The following ADAMTSL1 variants were observed in gnomAD, a reference collection of about 807,000 sequenced individuals.
The protein encoded by ADAMTSL1 is ADAMTS like 1.
In ADAMTSL1, 126 loss-of-function variants were observed where a neutral mutation model predicts 201.8. The ratio of observed to expected loss-of-function variants is 0.62; its 90% CI spans 0.54 to 0.72. The LOEUF is 0.72. Among genes scored for constraint, ADAMTSL1 ranks in the 30% least tolerant of loss-of-function variants. The pLI is 0.00. For missense variants in ADAMTSL1, 2,679 were observed against 2,277.8 expected (o/e 1.18, Z -3.59); for synonymous variants, 1,121 against 903.4 (o/e 1.24, Z -4.32).
chr9:18,509,190 CAAAAAAAAAAAAAAAAAAAAAAA>C lies in ADAMTSL1; in HGVS notation c.191+4254_191+4276del, dbSNP rs57922962. On this transcript the variant is annotated intron_variant, in intron 2 of 28. Transcript: ENST00000380548. ...TGGGCGACAGAGCGAGACTCCGTCT[CAAAAAAAAAAAAAAAAAAAAAAA>C]AAAAAAAAAAAAAAAAAAAGAAATA... Among the ~76,000 whole-genome samples, 8 of 20,462 alleles carry C rather than the reference CAAAAAAAAAAAAAAAAAAAAAAA, an allele frequency of 3.9e-4. No individual in the cohort carries two copies. In the East Asian group the frequency reaches 6.8e-3, roughly 17 times the overall value. 13.4% of individuals were successfully genotyped at this position (20,462 alleles called of 152,430 possible).
At chr9:18,327,906 A>G (rs1217606787) in intron 2 of ADAMTSL1, among the ~76,000 whole-genome samples, 7 of 149,456 alleles carry the variant, frequency 4.7e-5, no homozygotes, top group Admixed American at 4.7e-4. Context: ...TAGATTGTGG[A>G]AGCTCAAAGA....
At chr9:18,887,604 G>A (rs867440167) in intron 23 of ADAMTSL1, among the ~76,000 whole-genome samples, 17 of 152,070 alleles carry the variant, frequency 1.1e-4, no homozygotes, top group Admixed American at 2.6e-4. Flanking sequence ...AGGTACTTTT[G>A]TTATCCAGTA....
At chr9:18,310,854 G>A (rs889499998) in intron 2 of ADAMTSL1, among the ~76,000 whole-genome samples, 4 of 152,118 alleles carry the variant, frequency 2.6e-5, no homozygotes, top group African/African-American at 9.7e-5. Context: ...CCATTACTGG[G>A]TATATACCCA....
chr9:18,134,410 TG>T (rs1826072000), intron 1 of ADAMTSL1, among the ~76,000 whole-genome samples: 1 of 152,194 alleles, frequency 6.6e-6, no homozygotes, highest in South Asian at 2.1e-4. Context: ...GATTCAATTC[TG>T]GTTATTGACA....
At chr9:18,517,163 T>C (rs920297016) in intron 2 of ADAMTSL1, among the ~76,000 whole-genome samples, 1 of 152,312 alleles carries the variant, frequency 6.6e-6, no homozygotes, top group Non-Finnish European at 1.5e-5. Flanking sequence ...TAAGATCATT[T>C]GCAAACCTTA....
intron 1 of ADAMTSL1, among the ~76,000 whole-genome samples, chr9:18,096,831 G>C (rs1343109780): frequency 6.6e-6 from 1 of 151,932 alleles, no homozygotes; most frequent in African/African-American, 2.4e-5. Flanking sequence ...TAAGATTTCT[G>C]CCACTATAGA....
chr9:18,016,356 C>T (rs977592583), intron 1 of ADAMTSL1, among the ~76,000 whole-genome samples: 5 of 151,982 alleles, frequency 3.3e-5, no homozygotes, highest in Admixed American at 1.3e-4. Flanking sequence ...TTCTTGATGT[C>T]AGTAAACATA....
intron 2 of ADAMTSL1, among the ~76,000 whole-genome samples, chr9:18,304,332 A>C (rs1284078077): frequency 1.3e-5 from 2 of 149,134 alleles, no homozygotes; most frequent in African/African-American, 5.1e-5. Flanking sequence ...CTCAAGGAAT[A>C]GAGTTTTGAA....
rs34668810 is a variant in ADAMTSL1 at position 18,872,160 on chromosome 9, CTT to C, written c.4250-15662_4250-15661del. Among the ~76,000 whole-genome samples the C allele has an allele frequency of 3.1e-4, 47 of 151,180 alleles. 2 individuals are homozygous for C. Among genetic ancestry groups the C allele is most frequent in the Admixed American group, 1.5e-3 (22 of 15,142 alleles). On this transcript the variant is annotated intron_variant, in intron 23 of 28. Coordinates refer to ENST00000380548, the MANE Select transcript of ADAMTSL1 (RefSeq NM_001040272.6). ...GCCTGTATCATTCCTAAATAACCTT[CTT>C]TTTTTTTTAACAGATAGAATATAAT... is the stretch of plus-strand genomic sequence containing the variant.
At chr9:18,791,585 A>G (rs1169725158) in intron 19 of ADAMTSL1, among the ~76,000 whole-genome samples, 1 of 152,208 alleles carries the variant, frequency 6.6e-6, no homozygotes, top group African/African-American at 2.4e-5. Context: ...CTGCCCCCAA[A>G]TAACTATGTA....
chr9:18,787,044 G>A (rs1177543684), intron 19 of ADAMTSL1, among the ~76,000 whole-genome samples: 1 of 152,162 alleles, frequency 6.6e-6, no homozygotes, highest in Non-Finnish European at 1.5e-5. Context: ...CCATAGTTGT[G>A]AATAATTCTC....
At chr9:18,680,584 C>T in intron 11 of ADAMTSL1, 68 bp downstream of exon 11, 1 of 1,550,940 alleles carries the variant, frequency 6.4e-7, no homozygotes, top group Non-Finnish European at 8.9e-7. Context: ...CATCATGGCC[C>T]CACCGGGTAC....
At chr9:18,254,363 T>G (rs1206480476) in intron 2 of ADAMTSL1, among the ~76,000 whole-genome samples, 4 of 112,622 alleles carry the variant, frequency 3.6e-5, no homozygotes, top group Non-Finnish European at 7.3e-5. Context: ...TTTTTTTTTT[T>G]TTTTTTTTTT....
intron 1 of ADAMTSL1, among the ~76,000 whole-genome samples, chr9:17,937,161 T>C (rs1827042156): frequency 1.3e-5 from 2 of 152,134 alleles, no homozygotes; most frequent in South Asian, 4.1e-4. Flanking sequence ...AATAAGCTGT[T>C]TTTTGAAAGC....
At chr9:18,036,050 A>G (rs1166378842) in intron 1 of ADAMTSL1, among the ~76,000 whole-genome samples, 3 of 152,164 alleles carry the variant, frequency 2.0e-5, no homozygotes, top group African/African-American at 7.2e-5. Flanking sequence ...TGTGCTACAC[A>G]AGGGATCTCA....
intron 23 of ADAMTSL1, among the ~76,000 whole-genome samples, chr9:18,864,466 G>A (rs1260571190): frequency 5.3e-5 from 8 of 152,088 alleles, no homozygotes; most frequent in Non-Finnish European, 1.2e-4. Flanking sequence ...CAAAAATCTT[G>A]GTGATTTTCA....
chr9:18,869,933 A>G (rs1391253812), intron 23 of ADAMTSL1, among the ~76,000 whole-genome samples: 1 of 151,456 alleles, frequency 6.6e-6, no homozygotes. Flanking sequence ...TTAGACCTCA[A>G]TTTTTTTTCA....
At chr9:18,179,295 A>G (rs1159929991) in intron 2 of ADAMTSL1, among the ~76,000 whole-genome samples, 4 of 152,222 alleles carry the variant, frequency 2.6e-5, no homozygotes, top group Non-Finnish European at 5.9e-5. Flanking sequence ...GATGAAATGA[A>G]TGAAATGAAG....
At chr9:17,937,513 C>G (rs1588444446) in intron 1 of ADAMTSL1, among the ~76,000 whole-genome samples, 1 of 151,838 alleles carries the variant, frequency 6.6e-6, no homozygotes, top group African/African-American at 2.4e-5. Context: ...AACATTGTTT[C>G]TATGGGAAAA....
Sources: allele counts gnomAD v4.1 joint callset (sites outside exome capture counted in the v4.1 genomes callset), GRCh38; gene constraint gnomAD v4.1.1; transcripts MANE v1.5; gene names NCBI Gene and HGNC (gene_info 2026-07-23, HGNC 2026-07-21).